The following FAM114A2 variants were observed in gnomAD, a reference collection of about 807,000 sequenced individuals.
FAM114A2 encodes the protein protein FAM114A2.
FAM114A2 carries 53 observed loss-of-function variants against 58.4 expected under a neutral mutation model. The ratio of observed to expected loss-of-function variants is 0.91; its 90% CI spans 0.73 to 1.14. The LOEUF (loss-of-function observed/expected upper bound fraction) is 1.14. Among genes scored for constraint, FAM114A2 ranks in the 50% most tolerant of loss-of-function variants. FAM114A2 has a pLI of 0.00. For missense variants in FAM114A2, 601 were observed against 581.1 expected (o/e 1.03, Z -0.35); for synonymous variants, 228 against 211.4 (o/e 1.08, Z -0.68).
intron 12 of FAM114A2, 103 bp downstream of exon 12, chr5:153,997,699 TA>T: frequency 1.4e-6 from 1 of 723,024 alleles, no homozygotes. Context: ...TACTAAAAAC[TA>T]AAAACTATTG....
chr5:154,014,608 C>T (rs899987438), intron 8 of FAM114A2, among the ~76,000 whole-genome samples: 1 of 152,080 alleles, frequency 6.6e-6, no homozygotes, highest in African/African-American at 2.4e-5. Flanking sequence ...TTTAGAGAGC[C>T]AAGTGAAATA....
chr5:154,032,230 T>C (rs750564218), intron 4 of FAM114A2, among the ~76,000 whole-genome samples: 1 of 152,228 alleles, frequency 6.6e-6, no homozygotes, highest in Non-Finnish European at 1.5e-5. Context: ...AAAAAAAGTA[T>C]GGAAGGTAGA....
intron 6 of FAM114A2, 79 bp from the exon 7 acceptor site, chr5:154,027,413 G>A: frequency 7.9e-7 from 1 of 1,268,280 alleles, no homozygotes; most frequent in Non-Finnish European, 1.1e-6. Context: ...AGGAAGCAAA[G>A]CTTAGACAGG....
At chr5:154,031,261 G>A (rs184486821) in intron 4 of FAM114A2, among the ~76,000 whole-genome samples, 214 of 123,256 alleles carry the variant, frequency 1.7e-3, no homozygotes, top group African/African-American at 6.5e-3. Context: ...GCAGTGAGCT[G>A]AGATCGCACC....
At chr5:154,015,561 A>G (rs986855340) in intron 8 of FAM114A2, among the ~76,000 whole-genome samples, 2 of 152,180 alleles carry the variant, frequency 1.3e-5, no homozygotes, top group Non-Finnish European at 1.5e-5. Context: ...TCACATCCTT[A>G]GGAAAAGGGG....
At chr5:154,013,176 A>G (rs1038817732) in intron 8 of FAM114A2, among the ~76,000 whole-genome samples, 8 of 152,200 alleles carry the variant, frequency 5.3e-5, no homozygotes, top group African/African-American at 1.9e-4. Context: ...TTGAGTAGAA[A>G]AAGTAGTTAT....
chr5:154,026,317 GTAAA>G, intron 8 of FAM114A2, 78 bp downstream of exon 8: 1 of 1,062,182 alleles, frequency 9.4e-7, no homozygotes, highest in Non-Finnish European at 1.3e-6. Flanking sequence ...TGTAATAAGA[GTAAA>G]TAATTTATTT....
intron 8 of FAM114A2, among the ~76,000 whole-genome samples, chr5:154,015,124 C>T (rs1011794308): frequency 2.6e-5 from 4 of 152,144 alleles, no homozygotes; most frequent in African/African-American, 4.8e-5. Context: ...CCATTCCCCA[C>T]AGCAGCCACA....
intron 8 of FAM114A2, among the ~76,000 whole-genome samples, chr5:154,016,976 C>T (rs1212804173): frequency 6.6e-6 from 1 of 152,064 alleles, no homozygotes; most frequent in Middle Eastern, 3.2e-3. Context: ...TCAGAGGTAG[C>T]TATTCTTGTA....
Position 154,027,283 on chromosome 5 carries a change from T to A in FAM114A2, c.682A>T (p.Thr228Ser), listed in dbSNP as rs766416222. 6.2e-7 allele frequency: 1 copy of A among 1,613,580 alleles called. No homozygotes were observed. Among genetic ancestry groups the A allele is most frequent in the South Asian group, 1.1e-5 (1 of 91,058 alleles). Residue 228 changes from threonine (T) to serine (S), a missense_variant, in exon 7 of 14, where the codon ACC becomes TCC. Thr to Ser is a moderately conservative substitution (Grantham distance 58, BLOSUM62 1). Coordinates refer to ENST00000351797, the MANE Select transcript of FAM114A2 (RefSeq NM_018691.4). The stretch of plus-strand genomic sequence containing the variant: ...TGAGTTTTCTTGTCTGTTTCCACGG[T>A]AACCTCATTGGAGGTCCGTATCTCT... ...KEEIRTSNEV[T>S]VETDKKTHYG... is the part of the protein sequence containing the mutation.
intron 1 of FAM114A2, chr5:154,036,479 A>G (rs1288850156): frequency 6.6e-6 from 1 of 152,224 alleles, no homozygotes; most frequent in Non-Finnish European, 1.5e-5. Context: ...CGCTGTAGGT[A>G]TGTACTGATA....
Position 154,034,321 on chromosome 5 carries a change from G to GC in FAM114A2, c.266dup (p.Lys90GlnfsTer36). 6.2e-7 allele frequency: 1 copy of GC among 1,601,056 alleles called. No individual in the cohort carries two copies. The highest frequency in any genetic ancestry group is 1.7e-5 in the Admixed American group (1 of 58,208). On this transcript the variant is annotated frameshift_variant, in exon 3 of 14. Transcript: ENST00000351797. LOFTEE classifies it high-confidence loss of function. ...CCGAGGCTGAGGAGAGTATGGACTT[G>GC]CCCCAGCTCCCCCAATAACCCCATC...
At chr5:154,017,111 G>A (rs1277021577) in intron 8 of FAM114A2, among the ~76,000 whole-genome samples, 2 of 152,202 alleles carry the variant, frequency 1.3e-5, no homozygotes, top group East Asian at 1.9e-4. Context: ...CCTAACACTG[G>A]AGGTCCCAAA....
intron 9 of FAM114A2, 101 bp from the exon 10 acceptor site, chr5:154,003,070 T>G (rs1213433216): frequency 1.0e-6 from 1 of 987,308 alleles, no homozygotes; most frequent in Non-Finnish European, 1.6e-6. Context: ...TAAGGGCTCC[T>G]GTTCTTACCT....
chr5:154,008,637 C>T (rs1405467596), intron 9 of FAM114A2, among the ~76,000 whole-genome samples: 1 of 151,626 alleles, frequency 6.6e-6, no homozygotes, highest in Non-Finnish European at 1.5e-5. Flanking sequence ...TGTAATTAGA[C>T]TTGGATTGTA....
chr5:154,022,238 G>C (rs1771467326), intron 8 of FAM114A2, among the ~76,000 whole-genome samples: 1 of 152,172 alleles, frequency 6.6e-6, no homozygotes, highest in African/African-American at 2.4e-5. Flanking sequence ...AGGACTTCAT[G>C]ACTAAAACAC....
At position 153,992,409 on chromosome 5, in the gene FAM114A2, T is replaced by A. The variant is rs1769294458; in HGVS notation, c.*567A>T. 1 of 152,226 alleles carries A rather than the reference T, an allele frequency of 6.6e-6. No homozygotes were observed. The highest frequency in any genetic ancestry group is 6.5e-5 in the Admixed American group (1 of 15,278). 9.4% of individuals were successfully genotyped at this position (152,226 alleles called of 1,614,324 possible). ...AAGTTTCTCCTCAATGCCAAATATC[T>A]ACTAAGAATTTAAAAAAGCAGATGA... On this transcript the variant is annotated 3_prime_UTR_variant, in exon 14 of 14. Coordinates refer to ENST00000351797, the MANE Select transcript of FAM114A2 (RefSeq NM_018691.4).
intron 12 of FAM114A2, 35 bp from the exon 13 acceptor site, chr5:153,995,007 T>C (rs374914471): frequency 2.8e-6 from 4 of 1,427,574 alleles, no homozygotes; most frequent in African/African-American, 2.8e-5. Flanking sequence ...GTGAGCAGAG[T>C]AGGTTAAATA....
At chr5:154,016,673 C>G (rs1235387991) in intron 8 of FAM114A2, among the ~76,000 whole-genome samples, 3 of 151,812 alleles carry the variant, frequency 2.0e-5, no homozygotes, top group African/African-American at 7.3e-5. Context: ...CAAAACAGAA[C>G]TTACTTAAAG....
Sources: gnomAD v4.1 joint callset for allele counts (sites outside exome capture counted in the v4.1 genomes callset) on GRCh38, gnomAD v4.1.1 for gene constraint, MANE v1.5 for transcripts, NCBI Gene and HGNC (gene_info 2026-07-23, HGNC 2026-07-21) for gene names.